Variants in RGS21 observed in about 807,000 individuals in gnomAD.
RGS21 encodes the protein regulator of G-protein signalling 21.
A neutral mutation model predicts 18.7 loss-of-function variants in RGS21; 19 were observed. That is an observed-to-expected ratio of 1.01 (90% CI 0.71 to 1.49). The LOEUF (loss-of-function observed/expected upper bound fraction) is 1.49, where lower values mean the gene tolerates loss of function less well. RGS21 is among the 40% of genes most tolerant of loss of function. The pLI is 0.00. For synonymous variants in RGS21, 56 were observed against 57.8 expected, an observed-to-expected ratio of 0.97 and a Z score of 0.14; for missense variants, 194 against 176.8, an observed-to-expected ratio of 1.10 and a Z score of -0.55.
At chr1:192,323,424 G>A (rs1658523247) in intron 1 of RGS21, among the ~76,000 whole-genome samples, 1 of 152,082 alleles carries the variant, frequency 6.6e-6, no homozygotes, top group Non-Finnish European at 1.5e-5. Context: ...TTAGGCAAAA[G>A]TTGTGATAGA....
chr1:192,359,536 A>G (rs995276413), intron 4 of RGS21, among the ~76,000 whole-genome samples: 9 of 151,736 alleles, frequency 5.9e-5, no homozygotes, highest in Non-Finnish European at 1.5e-5. Flanking sequence ...CAAAAATCAC[A>G]TTTGAGAGGA....
chr1:192,335,348 A>C (rs1459584334), intron 1 of RGS21, among the ~76,000 whole-genome samples: 1 of 152,184 alleles, frequency 6.6e-6, no homozygotes, highest in Admixed American at 6.5e-5. Flanking sequence ...ACTCTCTTTA[A>C]AGCTAGTATG....
intron 1 of RGS21, among the ~76,000 whole-genome samples, chr1:192,339,805 A>G (rs1324771563): frequency 6.6e-6 from 1 of 152,130 alleles, no homozygotes; most frequent in African/African-American, 2.4e-5. Flanking sequence ...CCAGTTCCCA[A>G]AAATATTATA....
At chr1:192,355,181 ATC>A (rs1038690565) in intron 4 of RGS21, among the ~76,000 whole-genome samples, 1 of 151,692 alleles carries the variant, frequency 6.6e-6, no homozygotes, top group African/African-American at 2.4e-5. Flanking sequence ...TAAGCTATTT[ATC>A]TCTCTGCCTC....
chr1:192,343,216 T>C (rs1448188184), intron 2 of RGS21, among the ~76,000 whole-genome samples, 169 bp downstream of exon 2: 1 of 152,108 alleles, frequency 6.6e-6, no homozygotes, highest in East Asian at 1.9e-4. Context: ...TGAAAACATG[T>C]CAAGAATTTG....
At chr1:192,321,282 A>T (rs945206543) in intron 1 of RGS21, among the ~76,000 whole-genome samples, 2 of 151,952 alleles carry the variant, frequency 1.3e-5, no homozygotes, top group Non-Finnish European at 2.9e-5. Flanking sequence ...TACTCTTTAA[A>T]ACTGTCCATC....
rs1202366412 is a variant in RGS21, at chr1:192,359,653, G to GTATATA, written c.256-6267_256-6266insATATAT. 2.8e-4 allele frequency among the ~76,000 whole-genome samples: 29 copies of GTATATA among 104,508 alleles called. 1 individual carries two copies. Among genetic ancestry groups the GTATATA allele is most frequent in the African/African-American group, 9.6e-4 (22 of 22,844 alleles). The allele number at this position is 104,508 out of a possible 152,430, so 68.6% of individuals were successfully genotyped here. A position where few individuals can be genotyped will look rare whatever the true frequency, so the allele number is the denominator to read the frequency against. ...TATATATATGTTTATATGTGTGTGT[G>GTATATA]TGTATATATATATATATATATATAT... On this transcript the variant is annotated intron_variant, in intron 4 of 4. Transcript: ENST00000417209.
At chr1:192,359,620 T>C (rs1288523516) in intron 4 of RGS21, among the ~76,000 whole-genome samples, 1 of 147,884 alleles carries the variant, frequency 6.8e-6, no homozygotes, top group Non-Finnish European at 1.5e-5. Flanking sequence ...TATGTATCTA[T>C]GTGTATGTAT....
At chr1:192,346,380 G>A (rs926565283) in intron 2 of RGS21, among the ~76,000 whole-genome samples, 2 of 151,968 alleles carry the variant, frequency 1.3e-5, no homozygotes, top group African/African-American at 2.4e-5. Context: ...TAAGAATTGC[G>A]ATATATGAGT....
intron 3 of RGS21, among the ~76,000 whole-genome samples, chr1:192,348,078 T>C (rs1006402927): frequency 1.4e-5 from 2 of 147,972 alleles, no homozygotes; most frequent in Non-Finnish European, 3.0e-5. Context: ...GAGTGTAGAG[T>C]GTAGTGGTGT....
At chr1:192,326,787 G>A (rs1658573671) in intron 1 of RGS21, among the ~76,000 whole-genome samples, 1 of 152,234 alleles carries the variant, frequency 6.6e-6, no homozygotes, top group South Asian at 2.1e-4. Context: ...GCATCTTTAT[G>A]TGCCTATCAT....
Position 192,350,996 on chromosome 1 carries a change from C to G in RGS21, c.89-1051C>G, listed in dbSNP as rs144952019. On this transcript the variant is annotated intron_variant, in intron 3 of 4. Transcript: ENST00000417209. ...CTCATAGAAATCACCGACTGCAAGC[C>G]CTGTGTGTTGTTATTACATTTAAAA... 6.1e-3 allele frequency among the ~76,000 whole-genome samples: 928 copies of G among 152,184 alleles called. 36 individuals carry two copies. Among genetic ancestry groups the G allele is most frequent in the Admixed American group, 0.055 (842 of 15,268 alleles).
intron 4 of RGS21, among the ~76,000 whole-genome samples, chr1:192,354,767 A>G (rs1400020085): frequency 6.6e-6 from 1 of 151,748 alleles, no homozygotes; most frequent in Non-Finnish European, 1.5e-5. Flanking sequence ...CAACAAGGTC[A>G]TATTACTCAT....
intron 1 of RGS21, among the ~76,000 whole-genome samples, chr1:192,324,409 T>C (rs1429118063): frequency 1.3e-5 from 2 of 152,088 alleles, no homozygotes; most frequent in East Asian, 1.9e-4. Context: ...GCATTAGCAG[T>C]TGCACTTAAC....
intron 1 of RGS21, among the ~76,000 whole-genome samples, chr1:192,335,481 G>C (rs1314514510): frequency 1.3e-5 from 2 of 151,980 alleles, no homozygotes; most frequent in African/African-American, 4.8e-5. Flanking sequence ...TTTACGTATT[G>C]TTTTTCTACC....
intron 1 of RGS21, among the ~76,000 whole-genome samples, chr1:192,321,047 T>C (rs1658491267): frequency 6.6e-6 from 1 of 151,992 alleles, no homozygotes; most frequent in Non-Finnish European, 1.5e-5. Flanking sequence ...TATTTTGAAT[T>C]TGAATTTTCA....
chr1:192,321,321 T>A (rs2102220583), intron 1 of RGS21, among the ~76,000 whole-genome samples: 1 of 152,064 alleles, frequency 6.6e-6, no homozygotes, highest in East Asian at 1.9e-4. Flanking sequence ...TTTAATTACT[T>A]TTCTCAATCT....
At chr1:192,329,468 G>A (rs1475198416) in intron 1 of RGS21, among the ~76,000 whole-genome samples, 3 of 151,960 alleles carry the variant, frequency 2.0e-5, no homozygotes, top group Non-Finnish European at 4.4e-5. Context: ...ATATGCAAGT[G>A]TCTTTTAATT....
intron 4 of RGS21, among the ~76,000 whole-genome samples, chr1:192,357,474 T>C (rs1390392176): frequency 6.6e-6 from 1 of 151,860 alleles, no homozygotes; most frequent in African/African-American, 2.4e-5. Flanking sequence ...AACTATAATA[T>C]CTGTACAGAG....
Sources: gnomAD v4.1 joint callset for allele counts (sites outside exome capture counted in the v4.1 genomes callset) on GRCh38, gnomAD v4.1.1 for gene constraint, MANE v1.5 for transcripts, NCBI Gene and HGNC (gene_info 2026-07-23, HGNC 2026-07-21) for gene names.